Variants in ARHGAP19 observed in about 807,000 individuals in gnomAD.
The protein encoded by ARHGAP19 is rho GTPase-activating protein 19.
A neutral mutation model predicts 60.9 loss-of-function variants in ARHGAP19; 48 were observed. The observed-to-expected ratio is 0.79, with a 90% CI of 0.62 to 1.00. The LOEUF (loss-of-function observed/expected upper bound fraction) is 1.00, where lower values mean the gene tolerates loss of function less well. Ranked by LOEUF, ARHGAP19 falls within the 50% of genes least tolerant of loss-of-function variation. ARHGAP19 has a pLI of 0.00. For synonymous variants in ARHGAP19, 209 were observed against 215.5 expected, an observed-to-expected ratio of 0.97 and a Z score of 0.27; for missense variants, 562 against 597.2, an observed-to-expected ratio of 0.94 and a Z score of 0.61.
intron 1 of ARHGAP19, among the ~76,000 whole-genome samples, chr10:97,290,735 A>G (rs1287285396): frequency 6.6e-6 from 1 of 152,118 alleles, no homozygotes; most frequent in Non-Finnish European, 1.5e-5. Context: ...GGAGCCCCAG[A>G]TGCAGTCTAT....
intron 5 of ARHGAP19, among the ~76,000 whole-genome samples, chr10:97,257,497 GGTCTCAC>G (rs1842772031): frequency 6.6e-6 from 1 of 151,914 alleles, no homozygotes; most frequent in African/African-American, 2.4e-5. Flanking sequence ...AAGGTCTCAA[GGTCTCAC>G]TGTGTTGCCC....
chr10:97,283,770 G>A (rs1843118062), intron 1 of ARHGAP19, among the ~76,000 whole-genome samples: 1 of 147,664 alleles, frequency 6.8e-6, no homozygotes, highest in East Asian at 2.0e-4. Flanking sequence ...CAAGGTGGGA[G>A]GAGTACATGA....
Position 97,284,184 on chromosome 10 carries a change from G to A in ARHGAP19, c.56+8388C>T, listed in dbSNP as rs141883658. On this transcript the variant is annotated intron_variant, in intron 1 of 11. Coordinates refer to ENST00000358531, the MANE Select transcript of ARHGAP19 (RefSeq NM_032900.6). ...GTTGCCCAAGCTGGAGTACAGTGGT[G>A]CAATCTTGGCTCACTGCAACTTCTG... 2.7e-3 allele frequency among the ~76,000 whole-genome samples: 418 copies of A among 152,252 alleles called. 2 individuals are homozygous for A. Among genetic ancestry groups the A allele is most frequent in the Admixed American group, 4.7e-3 (72 of 15,290 alleles).
chr10:97,239,368 C>T (rs553529765), intron 8 of ARHGAP19, among the ~76,000 whole-genome samples: 46 of 152,042 alleles, frequency 3.0e-4, no homozygotes, highest in Admixed American at 2.9e-3. Context: ...TGGTGGCACG[C>T]GCCTGTAGTC....
intron 1 of ARHGAP19, among the ~76,000 whole-genome samples, chr10:97,282,202 A>G (rs1443867199): frequency 2.0e-5 from 3 of 152,216 alleles, no homozygotes; most frequent in Non-Finnish European, 2.9e-5. Flanking sequence ...AAGGCCCACA[A>G]GTCAAACCAG....
chr10:97,288,835 G>C (rs189104588), intron 1 of ARHGAP19, among the ~76,000 whole-genome samples: 5,457 of 103,196 alleles, frequency 0.053, 182 homozygotes, highest in Non-Finnish European at 0.069. Context: ...TTTTTTTTGA[G>C]CTGGAGTCTC....
chr10:97,288,203 T>A (rs988586729), intron 1 of ARHGAP19, among the ~76,000 whole-genome samples: 1 of 152,198 alleles, frequency 6.6e-6, no homozygotes, highest in African/African-American at 2.4e-5. Context: ...AATATTTACA[T>A]ATGTATTCAT....
intron 9 of ARHGAP19, among the ~76,000 whole-genome samples, chr10:97,231,984 T>G (rs1379412055): frequency 1.3e-5 from 2 of 150,130 alleles, no homozygotes; most frequent in East Asian, 1.9e-4. Context: ...CCGTTGTTTT[T>G]TTTTTTTTTT....
At chr10:97,270,565 C>T (rs902870792) in intron 1 of ARHGAP19, 14 of 1,506,480 alleles carry the variant, frequency 9.3e-6, no homozygotes, top group Admixed American at 6.2e-5. Flanking sequence ...GTAAAACAAA[C>T]GAAATATACT....
intron 1 of ARHGAP19, among the ~76,000 whole-genome samples, chr10:97,273,484 C>CTTTTTTTTTTTTT (rs11442502): frequency 1.1e-5 from 1 of 92,498 alleles, no homozygotes. Flanking sequence ...TTTCTGCTCT[C>CTTTTTTTTTTTTT]TTTTTTTTTT....
At chr10:97,282,114 C>T (rs7917149) in intron 1 of ARHGAP19, among the ~76,000 whole-genome samples, 6,704 of 152,244 alleles carry the variant, frequency 0.044, 212 homozygotes, top group Non-Finnish European at 0.061. Context: ...ATCTATGTGA[C>T]CTGGTGGGCA....
intron 9 of ARHGAP19, 23 bp downstream of exon 9, chr10:97,235,194 A>T (rs1851106438): frequency 6.4e-7 from 1 of 1,563,662 alleles, no homozygotes; most frequent in Non-Finnish European, 8.7e-7. Flanking sequence ...TCAATGCTGA[A>T]AACGACAGCC....
At chr10:97,272,842 G>GT (rs1273537428) in intron 1 of ARHGAP19, among the ~76,000 whole-genome samples, 3,510 of 125,544 alleles carry the variant, frequency 0.028, 141 homozygotes, top group African/African-American at 0.091. Flanking sequence ...TATGTTTGTT[G>GT]TTTTTTTTTT....
chr10:97,284,272 G>A lies in ARHGAP19; in HGVS notation c.56+8300C>T, dbSNP rs186825279. 9.2e-5 allele frequency among the ~76,000 whole-genome samples: 14 copies of A among 152,102 alleles called. No individual in the cohort carries two copies. The East Asian group carries it at 1.9e-3, about 21-fold the overall frequency. ...TAAGTAGCTGGGATTACAGATGTGC[G>A]ACACCATGCCCAGCTAATTTTTGTC... is the stretch of plus-strand genomic sequence containing the variant. On this transcript the variant is annotated intron_variant, in intron 1 of 11. Transcript: ENST00000358531.
intron 9 of ARHGAP19, among the ~76,000 whole-genome samples, chr10:97,234,056 C>A (rs12220695): frequency 6.6e-6 from 1 of 150,844 alleles, no homozygotes; most frequent in African/African-American, 2.4e-5. Flanking sequence ...CACCTGAGGT[C>A]AGGAGTTCCA....
intron 1 of ARHGAP19, chr10:97,275,168 G>A (rs1399066718): frequency 5.7e-4 from 1 of 1,750 alleles, no homozygotes; most frequent in African/African-American, 5.8e-4. Context: ...CCGCCACCCC[G>A]TCTGGGAAGT....
intron 11 of ARHGAP19, among the ~76,000 whole-genome samples, chr10:97,227,491 G>T (rs958661332): frequency 6.6e-6 from 1 of 152,136 alleles, no homozygotes; most frequent in South Asian, 2.1e-4. Context: ...AAATAAAGAT[G>T]TAGTGGAATA....
At chr10:97,254,175 G>A (rs1842725059) in intron 6 of ARHGAP19, among the ~76,000 whole-genome samples, 1 of 152,078 alleles carries the variant, frequency 6.6e-6, no homozygotes, top group Non-Finnish European at 1.5e-5. Flanking sequence ...GATAGAAAAT[G>A]CATCCTAAAA....
At chr10:97,251,603 A>G (rs1313852155) in intron 6 of ARHGAP19, among the ~76,000 whole-genome samples, 1 of 9,430 alleles carries the variant, frequency 1.1e-4, no homozygotes. Flanking sequence ...AGGGGAAGGG[A>G]AGGGGAAGGG....
Sources: gnomAD v4.1 joint callset for allele counts (sites outside exome capture counted in the v4.1 genomes callset) on GRCh38, gnomAD v4.1.1 for gene constraint, MANE v1.5 for transcripts, NCBI Gene and HGNC (gene_info 2026-07-23, HGNC 2026-07-21) for gene names.